Variants in MUC13 observed in about 807,000 individuals in gnomAD.
MUC13 encodes the protein mucin-13.
In MUC13, 32 loss-of-function variants were observed where a neutral mutation model predicts 48.3. That is an observed-to-expected ratio of 0.66 (90% confidence interval 0.50 to 0.89). The LOEUF (loss-of-function observed/expected upper bound fraction) is 0.89, where lower values mean the gene tolerates loss of function less well. MUC13 is among the 40% of genes least tolerant of loss of function. MUC13 has a pLI of 0.00. For missense variants in MUC13, 571 were observed against 622.8 expected (o/e 0.92, Z 0.88); for synonymous variants, 199 against 224.9 (o/e 0.88, Z 1.03).
At position 124,913,457 on chromosome 3, in the gene MUC13, C is replaced by T. The variant is rs1305013848; in HGVS notation, c.1084+105G>A. 1.7e-5 allele frequency: 27 copies of T among 1,560,238 alleles called. No homozygotes were observed. The East Asian group carries it at 4.1e-4, about 23-fold the overall frequency. On this transcript the variant is annotated intron_variant, in intron 7 of 11. Coordinates refer to ENST00000616727, the MANE Select transcript of MUC13 (RefSeq NM_033049.4). Reference sequence around the variant, plus strand: ...GTCTAAAGTCAGAAGTCAGATCACTCGGACTCTGAAATGCATGTGGAAACT... The same window carrying T: ...GTCTAAAGTCAGAAGTCAGATCACTTGGACTCTGAAATGCATGTGGAAACT...
chr3:124,919,357 T>G (rs200391546), intron 5 of MUC13, among the ~76,000 whole-genome samples: 3 of 52,842 alleles, frequency 5.7e-5, no homozygotes, highest in African/African-American at 2.3e-4. Context: ...AAAAAAATGG[T>G]TTTTTTTTTT....
intron 2 of MUC13, among the ~76,000 whole-genome samples, chr3:124,925,597 G>T (rs1935672924): frequency 6.6e-6 from 1 of 152,130 alleles, no homozygotes; most frequent in Non-Finnish European, 1.5e-5. Flanking sequence ...GTCTAAAACT[G>T]CTCTAAAAAT....
chr3:124,923,787 GA>G, intron 2 of MUC13, 138 bp from the exon 3 acceptor site: 1 of 824,892 alleles, frequency 1.2e-6, no homozygotes, highest in Non-Finnish European at 1.9e-6. Context: ...CACACTTTTG[GA>G]AGAGTTAAAA....
intron 11 of MUC13, among the ~76,000 whole-genome samples, chr3:124,907,802 T>A (rs996391117): frequency 4.6e-5 from 7 of 152,138 alleles, no homozygotes; most frequent in African/African-American, 1.7e-4. Flanking sequence ...AGGACCTAGG[T>A]CTTCAAACAG....
chr3:124,921,211 A>G (rs1258799497), intron 4 of MUC13, among the ~76,000 whole-genome samples: 1 of 151,516 alleles, frequency 6.6e-6, no homozygotes, highest in Non-Finnish European at 1.5e-5. Flanking sequence ...GTGCAGTGGC[A>G]TGATCTTGGG....
At position 124,916,450 on chromosome 3, in the gene MUC13, A is replaced by C; in HGVS notation, c.831T>G (p.Arg277=). The C allele has an allele frequency of 1.2e-6, 2 of 1,613,210 alleles. No homozygotes were observed. The highest frequency in any genetic ancestry group is 1.7e-6 in the Non-Finnish European group (2 of 1,179,624). ...TTACATTAACAAACTTGTCATCAGC[A>C]CGCATTTCAGATCTTGGTGACAGAG... The part of the protein sequence containing the change: ...STSLSPRSEM[R]ADDKFVNVTI... The change falls in exon 6 of 12, where the codon CGT becomes CGG. Residue 277 remains arginine, a synonymous_variant. Transcript: ENST00000616727.
intron 3 of MUC13, among the ~76,000 whole-genome samples, chr3:124,922,937 T>A (rs1000600323): frequency 6.6e-6 from 1 of 152,018 alleles, no homozygotes; most frequent in African/African-American, 2.4e-5. Flanking sequence ...GTATTTGGGG[T>A]CACTTACTTA....
intron 6 of MUC13, 79 bp from the exon 7 acceptor site, chr3:124,913,760 A>G: frequency 6.5e-7 from 1 of 1,541,344 alleles, no homozygotes; most frequent in African/African-American, 1.4e-5. Context: ...ACCCCACCCC[A>G]TTGCTGTTAT....
rs375965924 is a variant in MUC13 at position 124,912,090 on chromosome 3, A to C, written c.1252+14T>G. 3.8e-5 allele frequency: 61 copies of C among 1,611,798 alleles called. No homozygotes were observed. The African/African-American group carries it at 7.9e-4, about 21-fold the overall frequency. On this transcript the variant is annotated intron_variant, in intron 9 of 11. Transcript: ENST00000616727. ...TTAATAACTTGTTTATAATAGCAAG[A>C]CTTTCATACTCACTGTCCTTACAGT...
rs573088048 is a variant in MUC13 at position 124,916,255 on chromosome 3, G to T, written c.964+62C>A. ...GTCTCCTTTTCACATATAATGAAAA[G>T]GTTTACAAAAAAGGTAGGTAGGTCT... On this transcript the variant is annotated intron_variant, in intron 6 of 11. Transcript: ENST00000616727. The T allele has an allele frequency of 9.7e-5, 124 of 1,284,110 alleles. 1 individual carries two copies. In the South Asian group the frequency reaches 1.4e-3, roughly 14 times the overall value. The allele number at this position is 1,284,110 out of a possible 1,614,324, so 79.5% of individuals were successfully genotyped here.
rs1935462491 is a variant in MUC13 at position 124,913,634 on chromosome 3, A to C, written c.1012T>G (p.Cys338Gly). The C allele has an allele frequency of 6.2e-7, 1 of 1,614,098 alleles. No individual in the cohort carries two copies. The highest frequency in any genetic ancestry group is 8.5e-7 in the Non-Finnish European group (1 of 1,180,022). The change falls in exon 7 of 12, where the codon TGC becomes GGC. Residue 338 changes from cysteine (C) to glycine (G), a missense_variant. Cys to Gly is a radical substitution (Grantham distance 159, BLOSUM62 -3). Coordinates refer to ENST00000616727, the MANE Select transcript of MUC13 (RefSeq NM_033049.4). ...CAATCGCATGCTAAACCATTGAGGC[A>C]GTCATCCGCAGTCTGGTTACAGCCA... ...YYGCNQTADD[C>G]LNGLACDCKS...
Position 124,934,705 on chromosome 3 carries a change from G to A in MUC13, c.8C>T (p.Ala3Val). 6.2e-7 allele frequency: 1 copy of A among 1,610,104 alleles called. No homozygotes were observed. The highest frequency in any genetic ancestry group is 8.5e-7 in the Non-Finnish European group (1 of 1,176,622). Residue 3 changes from alanine (A) to valine (V), a missense_variant, in exon 1 of 12, where the codon GCC (alanine) becomes GTC (valine). Ala to Val is a moderately conservative substitution (Grantham distance 64). Transcript: ENST00000616727. MKAIIHLTLLALL... is the reference protein window; with the variant it reads MKVIIHLTLLALL... ...AGCAAGAAGAGTAAGATGAATGATG[G>A]CTTTCATTTTAGCTGTTCTTGCTTG...
chr3:124,929,175 A>T (rs78056090), intron 1 of MUC13, among the ~76,000 whole-genome samples: 8,365 of 66,372 alleles, frequency 0.13, 444 homozygotes, highest in South Asian at 0.18. Flanking sequence ...CCACTCTTTT[A>T]TTTTATTTTT....
At chr3:124,934,223 C>T (rs1294024701) in intron 1 of MUC13, among the ~76,000 whole-genome samples, 1 of 152,208 alleles carries the variant, frequency 6.6e-6, no homozygotes, top group Non-Finnish European at 1.5e-5. Context: ...TCCGTGTCAT[C>T]TCAGCTCACT....
At chr3:124,908,394 T>C (rs752063458) in intron 10 of MUC13, 46 bp from the exon 11 acceptor site, 1 of 1,435,478 alleles carries the variant, frequency 7.0e-7, no homozygotes, top group Non-Finnish European at 9.7e-7. Flanking sequence ...GCAGAAAGTT[T>C]CTTGAAGTAA....
rs1292398265 is a variant in MUC13, at chr3:124,926,538, A to G, written c.514+994T>C. Among the ~76,000 whole-genome samples the G allele has an allele frequency of 9.9e-5, 15 of 152,138 alleles. 1 individual carries two copies. Among genetic ancestry groups the G allele is most frequent in the Admixed American group, 9.8e-4 (15 of 15,270 alleles). ...CTGGGGTCTACTTGCTTAACCATCTATTTCTTAAATCTATCAAAGAACATT... is the reference window on the plus strand; with the variant it reads ...CTGGGGTCTACTTGCTTAACCATCTGTTTCTTAAATCTATCAAAGAACATT... On this transcript the variant is annotated intron_variant, in intron 2 of 11. Transcript: ENST00000616727.
intron 1 of MUC13, among the ~76,000 whole-genome samples, chr3:124,933,061 T>G (rs1420907554): frequency 1.3e-5 from 2 of 152,146 alleles, no homozygotes; most frequent in Admixed American, 6.5e-5. Flanking sequence ...GGCTTGGACC[T>G]AGCATCTGCC....
chr3:124,919,295 C>CTG (rs1458501205), intron 5 of MUC13, among the ~76,000 whole-genome samples: 1 of 149,050 alleles, frequency 6.7e-6, no homozygotes, highest in Admixed American at 6.7e-5. Flanking sequence ...TGATATCACA[C>CTG]CAATGCACTC....
At chr3:124,929,573 G>T (rs2107674080) in intron 1 of MUC13, among the ~76,000 whole-genome samples, 2 of 152,306 alleles carry the variant, frequency 1.3e-5, no homozygotes, top group South Asian at 4.1e-4. Flanking sequence ...ATTCAGAAGT[G>T]TTGAAGAGAT....
Sources: gnomAD v4.1 joint callset for allele counts (sites outside exome capture counted in the v4.1 genomes callset) on GRCh38, gnomAD v4.1.1 for gene constraint, MANE v1.5 for transcripts, NCBI Gene and HGNC (gene_info 2026-07-23, HGNC 2026-07-21) for gene names.